The following LAMB1 variants were observed in gnomAD, a reference collection of about 807,000 sequenced individuals.
LAMB1 encodes laminin subunit beta-1.
LAMB1 carries 121 observed loss-of-function variants against 222.3 expected under a neutral mutation model. The ratio of observed to expected loss-of-function variants is 0.54; its 90% confidence interval spans 0.47 to 0.63. LAMB1 has a LOEUF of 0.63. LAMB1 is among the 30% of genes least tolerant of loss of function. The pLI, the probability that LAMB1 is intolerant of heterozygous loss-of-function variation, is 0.00. For synonymous variants in LAMB1, 794 were observed against 807.2 expected (o/e 0.98, Z 0.28); for missense variants, 2,172 against 2,240.8 (o/e 0.97, Z 0.62).
intron 27 of LAMB1, among the ~76,000 whole-genome samples, chr7:107,935,187 G>C (rs963962924): frequency 6.6e-6 from 1 of 151,934 alleles, no homozygotes; most frequent in East Asian, 1.9e-4. Context: ...CAGAGAAACA[G>C]AAGAGGGGAA....
At chr7:107,968,962 T>C (rs2033687354) in intron 13 of LAMB1, among the ~76,000 whole-genome samples, 1 of 152,198 alleles carries the variant, frequency 6.6e-6, no homozygotes, top group African/African-American at 2.4e-5. Context: ...CTATGTTTTC[T>C]CAGTGGGTGA....
chr7:107,952,533 A>C (rs2033280335), intron 22 of LAMB1, among the ~76,000 whole-genome samples: 1 of 152,258 alleles, frequency 6.6e-6, no homozygotes, highest in African/African-American at 2.4e-5. Context: ...AACTGGAAAT[A>C]ATTTTAAAAA....
At chr7:107,927,365 CAG>C (rs1435070345) in intron 31 of LAMB1, among the ~76,000 whole-genome samples, 1 of 152,168 alleles carries the variant, frequency 6.6e-6, no homozygotes. Flanking sequence ...CCCTGAAAAA[CAG>C]AACCCCAATT....
chr7:107,957,452 G>T (rs1189390313), intron 20 of LAMB1, among the ~76,000 whole-genome samples: 2 of 152,188 alleles, frequency 1.3e-5, no homozygotes. Context: ...GGAGGCTGAG[G>T]CAGGAGAATT....
In LAMB1 at chr7:107,975,086, T is replaced by G. The variant is rs200749474; in HGVS notation, c.1382A>C (p.Asn461Thr). The G allele has an allele frequency of 1.2e-6, 2 of 1,608,994 alleles. No individual in the cohort carries two copies. The highest frequency in any genetic ancestry group is 2.2e-5 in the South Asian group (2 of 90,960). ...DPFGCKSCAC[N>T]PLGTIPGGNP... ...CCCTCCAGGAATTGTTCCCAGAGGA[T>G]TGCAAGCACAAGCTGTATTAAAACA... is the stretch of plus-strand genomic sequence containing the variant. The change falls in exon 12 of 34, where the codon AAT (asparagine) becomes ACT (threonine). Residue 461 changes from asparagine to threonine, a missense_variant. Physicochemically the swap from Asn to Thr is moderately conservative, Grantham distance 65. Coordinates refer to ENST00000222399, the MANE Select transcript of LAMB1 (RefSeq NM_002291.3).
intron 13 of LAMB1, 146 bp from the exon 14 acceptor site, chr7:107,964,833 A>G: frequency 2.1e-6 from 2 of 943,840 alleles, no homozygotes; most frequent in Non-Finnish European, 3.1e-6. Flanking sequence ...ATATGTGGAA[A>G]AAAGTAGTGC....
chr7:107,950,229 C>CA (rs1018834829), intron 24 of LAMB1, among the ~76,000 whole-genome samples: 1,774 of 125,638 alleles, frequency 0.014, 23 homozygotes, highest in African/African-American at 0.043. Context: ...GACTCCGTCT[C>CA]AAAAAAAAAA....
At chr7:107,980,014 C>T (rs569056377) in intron 8 of LAMB1, among the ~76,000 whole-genome samples, 1 of 152,060 alleles carries the variant, frequency 6.6e-6, no homozygotes, top group Admixed American at 6.6e-5. Flanking sequence ...TTGAGATCAG[C>T]CTAGCCAACA....
At chr7:107,966,130 C>T (rs867351397) in intron 13 of LAMB1, among the ~76,000 whole-genome samples, 6 of 151,956 alleles carry the variant, frequency 3.9e-5, no homozygotes, top group Non-Finnish European at 7.4e-5. Flanking sequence ...AAATCCTAAA[C>T]GACCCTGCCG....
In LAMB1 at chr7:107,935,688, A is replaced by T. The variant is rs745645731; in HGVS notation, c.3947-32T>A. 1.9e-6 allele frequency: 3 copies of T among 1,606,724 alleles called. No individual in the cohort carries two copies. In the East Asian group the frequency reaches 6.7e-5, roughly 36 times the overall value. ...TAGGAAATGAAATTGCCCACAGTTA[A>T]CCTCATCATACTAGGCTTCCTCCCC... On this transcript the variant is annotated intron_variant, in intron 26 of 33. Coordinates refer to ENST00000222399, the MANE Select transcript of LAMB1 (RefSeq NM_002291.3).
chr7:107,934,272 G>A lies in LAMB1; in HGVS notation c.4188+1143C>T, dbSNP rs535030096. On this transcript the variant is annotated intron_variant, in intron 27 of 33. Coordinates refer to ENST00000222399, the MANE Select transcript of LAMB1 (RefSeq NM_002291.3). ...TGTGACCAATTTTGTCTATTTCAGA[G>A]AAAGTGATGAGAGGAGGGAGGAAGC... is the stretch of plus-strand genomic sequence containing the variant. 3.3e-5 allele frequency among the ~76,000 whole-genome samples: 5 copies of A among 152,276 alleles called. No homozygotes were observed. In the South Asian group the frequency reaches 6.2e-4, roughly 19 times the overall value.
At chr7:107,940,403 C>A in intron 24 of LAMB1, 45 bp from the exon 25 acceptor site, 1 of 1,570,236 alleles carries the variant, frequency 6.4e-7, no homozygotes. Context: ...TAATCATGAA[C>A]CTCAGTGACA....
At chr7:107,950,012 A>ACC (rs2033206480) in intron 24 of LAMB1, among the ~76,000 whole-genome samples, 1 of 152,124 alleles carries the variant, frequency 6.6e-6, no homozygotes, top group Non-Finnish European at 1.5e-5. Flanking sequence ...CGGGTGAATC[A>ACC]TGAGGTCAGG....
chr7:107,955,903 TTTG>T (rs1242662844), intron 20 of LAMB1, among the ~76,000 whole-genome samples: 1 of 151,952 alleles, frequency 6.6e-6, no homozygotes, highest in African/African-American at 2.4e-5. Context: ...TGGCTGTTTT[TTTG>T]TTTGTTTTTG....
chr7:107,953,405 A>G (rs2033301994), intron 22 of LAMB1, 125 bp downstream of exon 22: 1 of 771,978 alleles, frequency 1.3e-6, no homozygotes, highest in South Asian at 1.8e-5. Flanking sequence ...GTTGAAAGTG[A>G]AATTTTACCT....
intron 3 of LAMB1, among the ~76,000 whole-genome samples, chr7:107,999,306 A>G (rs2034338715): frequency 6.6e-6 from 1 of 152,234 alleles, no homozygotes; most frequent in Non-Finnish European, 1.5e-5. Flanking sequence ...GGCAAATCAT[A>G]AACAACAGAG....
chr7:107,945,420 T>C (rs2033095042), intron 24 of LAMB1, among the ~76,000 whole-genome samples: 1 of 152,216 alleles, frequency 6.6e-6, no homozygotes, highest in Non-Finnish European at 1.5e-5. Context: ...CTACCCTTAA[T>C]GGCCCAGCAC....
At chr7:107,950,671 C>T (rs936499949) in intron 24 of LAMB1, among the ~76,000 whole-genome samples, 1 of 152,140 alleles carries the variant, frequency 6.6e-6, no homozygotes, top group African/African-American at 2.4e-5. Context: ...ATGACATTGC[C>T]CTCCAGTTTT....
Position 107,931,412 on chromosome 7 carries a change from T to G in LAMB1, c.4481A>C (p.Asp1494Ala), listed in dbSNP as rs2032707513. 1 of 1,613,776 alleles carries G rather than the reference T, an allele frequency of 6.2e-7. No homozygotes were observed. Among genetic ancestry groups the G allele is most frequent in the South Asian group, 1.1e-5 (1 of 91,080 alleles). The change falls in exon 29 of 34, where the codon GAC (aspartate) becomes GCC (alanine). Residue 1494 changes from aspartate (D) to alanine (A), a missense_variant. Physicochemically the swap from Asp to Ala is moderately radical, Grantham distance 126 (BLOSUM62 -2). Coordinates refer to ENST00000222399, the MANE Select transcript of LAMB1 (RefSeq NM_002291.3). Reference sequence around the variant, plus strand: ...ATTTCTCAGCTCCTCATTGCTCTTGTCCATTTTTTCTTTGGTAGCATTTGT... The same window carrying G: ...ATTTCTCAGCTCCTCATTGCTCTTGGCCATTTTTTCTTTGGTAGCATTTGT... The part of the protein sequence containing the change: ...LKTNATKEKM[D>A]KSNEELRNLI...
Sources: allele counts gnomAD v4.1 joint callset (sites outside exome capture counted in the v4.1 genomes callset), GRCh38; gene constraint gnomAD v4.1.1; transcripts MANE v1.5; gene names NCBI Gene and HGNC (gene_info 2026-07-23, HGNC 2026-07-21).